ADAMTS19: variants seen among roughly 807,000 people sequenced by gnomAD.
ADAMTS19 encodes the protein A disintegrin and metalloproteinase with thrombospondin motifs 19.
A neutral mutation model predicts 153.3 loss-of-function variants in ADAMTS19; 93 were observed. That is an observed-to-expected ratio of 0.61 (90% CI 0.51 to 0.72). The LOEUF is 0.72. ADAMTS19 is among the 30% of genes least tolerant of loss of function. ADAMTS19 has a pLI of 0.00. For synonymous variants in ADAMTS19, 600 were observed against 556.6 expected (o/e 1.08, Z -1.10); for missense variants, 1,482 against 1,552.1 (o/e 0.95, Z 0.76).
intron 14 of ADAMTS19, among the ~76,000 whole-genome samples, chr5:129,658,058 G>T (rs1482465673): frequency 6.6e-6 from 1 of 152,070 alleles, no homozygotes; most frequent in East Asian, 1.9e-4. Context: ...GCCAAGGCAG[G>T]CAGATTACTT....
chr5:129,638,551 ACTCT>A (rs1294312348), intron 10 of ADAMTS19, among the ~76,000 whole-genome samples: 1 of 144,534 alleles, frequency 6.9e-6, no homozygotes, highest in Non-Finnish European at 1.5e-5. Context: ...CTATTTTAGT[ACTCT>A]CTGTCTCACA....
chr5:129,680,538 C>G (rs941284138), intron 17 of ADAMTS19, among the ~76,000 whole-genome samples: 2 of 151,964 alleles, frequency 1.3e-5, no homozygotes, highest in African/African-American at 2.4e-5. Flanking sequence ...GTGGGTGGAT[C>G]GCAAGGTCAG....
At chr5:129,462,305 C>T (rs538846577) in intron 2 of ADAMTS19, among the ~76,000 whole-genome samples, 22 of 152,274 alleles carry the variant, frequency 1.4e-4, no homozygotes, top group African/African-American at 4.8e-4. Context: ...GTTCACTGTT[C>T]TTGTGAAAGG....
rs1421443135 is a variant in ADAMTS19 at position 129,460,411 on chromosome 5, T to G, written c.20T>G (p.Met7Arg). The G allele has an allele frequency of 6.2e-7, 1 of 1,614,028 alleles. No individual in the cohort carries two copies. ...CGCAGTATGGGGAAGAACCGCGAGA[T>G]GCGCCTGACTCACATCTGCTGCTGC... is the stretch of plus-strand genomic sequence containing the variant. MGKNREMRLTHICCCCL... is the reference protein window; with the variant it reads MGKNRERRLTHICCCCL... Residue 7 changes from methionine (M) to arginine (R), a missense_variant, in exon 1 of 23, where the codon ATG becomes AGG. Transcript: ENST00000274487.
rs116094037 is a variant in ADAMTS19 at position 129,727,428 on chromosome 5, C to T, written c.3313-7504C>T. ...TTATACTAAAAATGCAATAAAAAAG[C>T]TTTCAAAATTCATTAATGTTTAATT... On this transcript the variant is annotated intron_variant, in intron 21 of 22. Coordinates refer to ENST00000274487, the MANE Select transcript of ADAMTS19 (RefSeq NM_133638.6). Among the ~76,000 whole-genome samples the T allele has an allele frequency of 3.8e-3, 584 of 152,184 alleles. 8 individuals carry two copies. Among genetic ancestry groups the T allele is most frequent in the African/African-American group, 0.013 (558 of 41,524 alleles).
At chr5:129,468,050 T>G (rs1749933041) in intron 2 of ADAMTS19, among the ~76,000 whole-genome samples, 1 of 152,266 alleles carries the variant, frequency 6.6e-6, no homozygotes, top group African/African-American at 2.4e-5. Flanking sequence ...TCTTTTGTAA[T>G]CTACCTAATG....
chr5:129,729,204 A>C (rs1009043198), intron 21 of ADAMTS19, among the ~76,000 whole-genome samples: 3 of 152,092 alleles, frequency 2.0e-5, no homozygotes, highest in Non-Finnish European at 4.4e-5. Context: ...ATTAGAAGCC[A>C]GGTCTCCTAA....
At chr5:129,627,025 G>T (rs1227083322) in intron 10 of ADAMTS19, among the ~76,000 whole-genome samples, 1 of 151,980 alleles carries the variant, frequency 6.6e-6, no homozygotes, top group East Asian at 1.9e-4. Context: ...AGAGAAAACA[G>T]AATGCAAAAT....
At chr5:129,633,057 C>A (rs1752372309) in intron 10 of ADAMTS19, among the ~76,000 whole-genome samples, 1 of 152,032 alleles carries the variant, frequency 6.6e-6, no homozygotes, top group African/African-American at 2.4e-5. Flanking sequence ...TTCTGTAAAT[C>A]TTTCATATTT....
intron 21 of ADAMTS19, among the ~76,000 whole-genome samples, chr5:129,724,884 C>G (rs1757142477): frequency 6.6e-6 from 1 of 152,118 alleles, no homozygotes; most frequent in Non-Finnish European, 1.5e-5. Context: ...TGGCTGGCAT[C>G]ATGTTGACTG....
chr5:129,636,692 T>G (rs1752549540), intron 10 of ADAMTS19, among the ~76,000 whole-genome samples: 1 of 152,208 alleles, frequency 6.6e-6, no homozygotes, highest in Admixed American at 6.5e-5. Context: ...TGTTAAAGGA[T>G]AAAGTTTCTA....
chr5:129,524,889 C>T (rs1260032974), intron 3 of ADAMTS19, among the ~76,000 whole-genome samples: 1 of 152,080 alleles, frequency 6.6e-6, no homozygotes, highest in African/African-American at 2.4e-5. Context: ...TCTTCCCAGG[C>T]TTTGATGTGT....
intron 6 of ADAMTS19, among the ~76,000 whole-genome samples, chr5:129,547,692 A>T (rs952872156): frequency 2.0e-5 from 3 of 150,616 alleles, no homozygotes; most frequent in Non-Finnish European, 2.9e-5. Context: ...TTCATATGGA[A>T]CCAAAAAAGA....
chr5:129,482,293 T>C (rs995071273), intron 2 of ADAMTS19, among the ~76,000 whole-genome samples: 6 of 152,066 alleles, frequency 3.9e-5, no homozygotes, highest in Non-Finnish European at 7.3e-5. Flanking sequence ...TCTTCACTTC[T>C]CTCACCCAAC....
intron 7 of ADAMTS19, among the ~76,000 whole-genome samples, chr5:129,589,669 CTCTT>C (rs1163973052): frequency 6.6e-6 from 1 of 152,066 alleles, no homozygotes; most frequent in Non-Finnish European, 1.5e-5. Flanking sequence ...CAAACTCTCT[CTCTT>C]TATGTTAAAA....
intron 19 of ADAMTS19, among the ~76,000 whole-genome samples, chr5:129,696,597 A>G (rs1755566765): frequency 6.6e-6 from 1 of 152,250 alleles, no homozygotes; most frequent in African/African-American, 2.4e-5. Flanking sequence ...CAGGGCCCTG[A>G]GAACATTTGC....
intron 8 of ADAMTS19, among the ~76,000 whole-genome samples, chr5:129,609,794 A>G (rs893270256): frequency 6.6e-6 from 1 of 152,278 alleles, no homozygotes; most frequent in South Asian, 2.1e-4. Context: ...CTTGGAAGAG[A>G]TAGCTTTCTG....
At chr5:129,724,219 C>T (rs1757116346) in intron 21 of ADAMTS19, among the ~76,000 whole-genome samples, 2 of 152,146 alleles carry the variant, frequency 1.3e-5, no homozygotes, top group Non-Finnish European at 2.9e-5. Context: ...CTTTGCATGG[C>T]CATTTCAAAA....
chr5:129,624,545 C>G (rs1751937072), intron 10 of ADAMTS19, among the ~76,000 whole-genome samples: 1 of 152,118 alleles, frequency 6.6e-6, no homozygotes. Flanking sequence ...GAGACAGTTT[C>G]AGTTCATGTG....
Sources: allele counts gnomAD v4.1 joint callset (sites outside exome capture counted in the v4.1 genomes callset), GRCh38; gene constraint gnomAD v4.1.1; transcripts MANE v1.5; gene names NCBI Gene and HGNC (gene_info 2026-07-23, HGNC 2026-07-21).